TMEM74B: variants seen among roughly 807,000 people sequenced by gnomAD.
TMEM74B encodes transmembrane protein C20orf46.
Under a neutral mutation model 6.5 loss-of-function variants are expected in TMEM74B, and 7 were observed. That is an observed-to-expected ratio of 1.07 (90% CI 0.61 to 2.01). The LOEUF is 2.01. Ranked by LOEUF, TMEM74B falls within the 30% of genes most tolerant of loss-of-function variation. The pLI is 0.00. For synonymous variants in TMEM74B, 151 were observed against 151.6 expected (o/e 1.00, Z 0.03); for missense variants, 342 against 337.0 (o/e 1.01, Z -0.12).
chr20:1,180,748 G>T lies in TMEM74B; in HGVS notation c.*100C>A. ...TTCCACAAGGCCCTATGTGAGCTCA[G>T]TTTAAAACCCCAGGGCCTTGGCAGG... On this transcript the variant is annotated 3_prime_UTR_variant, in exon 3 of 3. Coordinates refer to ENST00000429036, the MANE Select transcript of TMEM74B (RefSeq NM_001304748.2). This position sits in a 1 kb window ranked among gnomAD's most constrained non-coding sequence, Gnocchi z 6.1. 6.7e-7 allele frequency: 1 copy of T among 1,486,832 alleles called. No individual in the cohort carries two copies. Among genetic ancestry groups the T allele is most frequent in the African/African-American group, 1.4e-5 (1 of 71,278 alleles). 92.1% of individuals were successfully genotyped at this position (1,486,832 alleles called of 1,614,324 possible). A position where few individuals can be genotyped will look rare whatever the true frequency, so the allele number is the denominator to read the frequency against.
At chr20:1,188,087 G>A (rs1470007733), upstream of TMEM74B, among the ~76,000 whole-genome samples, 3 of 151,742 alleles carry the variant, frequency 2.0e-5, no homozygotes, top group African/African-American at 7.3e-5. Context: ...GGAGATACCA[G>A]AATGAACTCA....
At position 1,184,606 on chromosome 20, in the gene TMEM74B, AC is replaced by A. The variant is rs1472415378; in HGVS notation, c.-453del. ...CTTCGGGCCACGCGAGTACCCCGTC[AC>A]ACGCACACGCGCGTACACACACACA... On this transcript the variant is annotated 5_prime_UTR_variant, in exon 1 of 3. Coordinates refer to ENST00000429036, the MANE Select transcript of TMEM74B (RefSeq NM_001304748.2). This position sits in a 1 kb window ranked among gnomAD's most constrained non-coding sequence, Gnocchi z 6.0. 7.0e-6 allele frequency: 1 copy of A among 143,546 alleles called. No individual in the cohort carries two copies. The highest frequency in any genetic ancestry group is 1.5e-5 in the Non-Finnish European group (1 of 67,310). The allele number at this position is 143,546 out of a possible 1,614,324, so 8.9% of individuals were successfully genotyped here.
chr20:1,181,703 G>T lies in TMEM74B; in HGVS notation c.32-116C>A. ...TCAGGCACAATTCCCACTTGGGGGT[G>T]TCTGCCAGACAGAGGGGAAGACAGG... On this transcript the variant is annotated intron_variant, in intron 2 of 2. Coordinates refer to ENST00000429036, the MANE Select transcript of TMEM74B (RefSeq NM_001304748.2). This position sits in a 1 kb window ranked among gnomAD's most constrained non-coding sequence, Gnocchi z 4.9. The T allele has an allele frequency of 8.3e-7, 1 of 1,202,922 alleles. No individual in the cohort carries two copies. The highest frequency in any genetic ancestry group is 1.1e-6 in the Non-Finnish European group (1 of 923,012). 74.5% of individuals were successfully genotyped at this position (1,202,922 alleles called of 1,614,324 possible). A position where few individuals can be genotyped will look rare whatever the true frequency, so the allele number is the denominator to read the frequency against.
chr20:1,182,484 G>A (rs982349287), intron 2 of TMEM74B, among the ~76,000 whole-genome samples: 2 of 150,144 alleles, frequency 1.3e-5, no homozygotes, highest in African/African-American at 4.9e-5. Context: ...ATGGGAGGGG[G>A]CAAAGTGGAG....
At chr20:1,188,550 A>G (rs1000466601), upstream of TMEM74B, among the ~76,000 whole-genome samples, 2 of 149,770 alleles carry the variant, frequency 1.3e-5, no homozygotes, top group African/African-American at 2.5e-5. Flanking sequence ...CACCACACAC[A>G]TACCACATGC....
In TMEM74B at chr20:1,181,328, G is replaced by T. The variant is rs2086860905; in HGVS notation, c.291C>A (p.Ser97=). ...PPGGVSSLPR[S]QRDDLSLHSE... is the part of the protein sequence containing the mutation. ...AATGAAGGGACAGATCATCCCGCTG[G>T]GATCGGGGCAGTGAGGAGACACCCC... The change falls in exon 3 of 3, where the codon TCC becomes TCA. Residue 97 remains serine, a synonymous_variant. Transcript: ENST00000429036. This position sits in a 1 kb window ranked among gnomAD's most constrained non-coding sequence, Gnocchi z 4.9. 6.3e-7 allele frequency: 1 copy of T among 1,596,760 alleles called. No individual in the cohort carries two copies. Among genetic ancestry groups the T allele is most frequent in the Non-Finnish European group, 8.5e-7 (1 of 1,170,174 alleles).
intron 2 of TMEM74B, among the ~76,000 whole-genome samples, chr20:1,182,501 G>A (rs1327805008): frequency 6.6e-6 from 1 of 151,652 alleles, no homozygotes; most frequent in Non-Finnish European, 1.5e-5. Flanking sequence ...GGAGGATGGG[G>A]GTCCAGCAAG....
intron 2 of TMEM74B, among the ~76,000 whole-genome samples, chr20:1,182,996 G>A (rs145393284): frequency 8.3e-4 from 127 of 152,232 alleles, no homozygotes; most frequent in Admixed American, 1.4e-3. Flanking sequence ...GTTGGCAATC[G>A]GGGCTCTTAG....
chr20:1,183,543 C>G (rs1044519670), intron 2 of TMEM74B, among the ~76,000 whole-genome samples: 2 of 152,124 alleles, frequency 1.3e-5, no homozygotes, highest in Non-Finnish European at 2.9e-5. Flanking sequence ...CACTACGTCT[C>G]TCTTTCCAGA....
In TMEM74B at chr20:1,183,880, G is replaced by T. The variant is rs182843440; in HGVS notation, c.-79C>A. 9.3e-5 allele frequency: 145 copies of T among 1,553,636 alleles called. No homozygotes were observed. The African/African-American group carries it at 1.8e-3, about 19-fold the overall frequency. ...TATCCAGCTGTTTATCAGCAACCGT[G>T]AGCACCTTGAGAGCAGGCATAAGTT... On this transcript the variant is annotated 5_prime_UTR_variant, in exon 2 of 3. Coordinates refer to ENST00000429036, the MANE Select transcript of TMEM74B (RefSeq NM_001304748.2).
Position 1,181,409 on chromosome 20 carries a change from C to T in TMEM74B, c.210G>A (p.Glu70=), listed in dbSNP as rs1568494152. The change falls in exon 3 of 3, where the codon GAG becomes GAA. Residue 70 remains glutamate, a synonymous_variant. Coordinates refer to ENST00000429036, the MANE Select transcript of TMEM74B (RefSeq NM_001304748.2). The surrounding 1 kb of genome is among the most constrained non-coding windows in gnomAD (Gnocchi z 4.9). Reference sequence around the variant, plus strand: ...TGTTCCCAGGGTTCTGGAAATGGGTCTCATGCTCCTCTGAGGAGAAGCAGG... The same window carrying T: ...TGTTCCCAGGGTTCTGGAAATGGGTTTCATGCTCCTCTGAGGAGAAGCAGG... ...ENACFSSEEH[E]THFQNPGNTR... 6.5e-7 allele frequency: 1 copy of T among 1,526,726 alleles called. No homozygotes were observed. The highest frequency in any genetic ancestry group is 1.3e-5 in the South Asian group (1 of 76,718). 94.6% of individuals were successfully genotyped at this position (1,526,726 alleles called of 1,614,324 possible).
chr20:1,187,311 G>A (rs562740418), upstream of TMEM74B, among the ~76,000 whole-genome samples: 2 of 152,292 alleles, frequency 1.3e-5, no homozygotes, highest in East Asian at 3.9e-4. Flanking sequence ...GCCAAAAGAA[G>A]AGGGTTTTTG....
At position 1,182,890 on chromosome 20, in the gene TMEM74B, G is replaced by A. The variant is rs189254198; in HGVS notation, c.31+881C>T. On this transcript the variant is annotated intron_variant, in intron 2 of 2. Coordinates refer to ENST00000429036, the MANE Select transcript of TMEM74B (RefSeq NM_001304748.2). ...AATGTATAAAAAGCAAAAGATTTTA[G>A]ATTTTACATTTTAAATGTTGGATTC... Among the ~76,000 whole-genome samples the A allele has an allele frequency of 2.0e-5, 3 of 152,194 alleles. No homozygotes were observed. In the East Asian group the frequency reaches 5.8e-4, roughly 29 times the overall value.
chr20:1,182,354 C>T (rs2086894143), intron 2 of TMEM74B, among the ~76,000 whole-genome samples: 1 of 152,110 alleles, frequency 6.6e-6, no homozygotes, highest in Admixed American at 6.5e-5. Flanking sequence ...GCCTCAGAGG[C>T]CAGCTGGGGC....
At chr20:1,186,345 G>A (rs1193210089), upstream of TMEM74B, 1 of 152,264 alleles carries the variant, frequency 6.6e-6, no homozygotes, top group Non-Finnish European at 1.5e-5. Context: ...TACAGGGCCG[G>A]AGTTAAGATG....
At chr20:1,182,439 G>A (rs2086896297) in intron 2 of TMEM74B, among the ~76,000 whole-genome samples, 1 of 152,158 alleles carries the variant, frequency 6.6e-6, no homozygotes, top group South Asian at 2.1e-4. Flanking sequence ...GGAGCAGGAA[G>A]TGCCTCGGCT....
At position 1,181,162 on chromosome 20, in the gene TMEM74B, T is replaced by C. The variant is rs1310402042; in HGVS notation, c.457A>G (p.Thr153Ala). 6.2e-7 allele frequency: 1 copy of C among 1,614,150 alleles called. No individual in the cohort carries two copies. The highest frequency in any genetic ancestry group is 1.1e-5 in the South Asian group (1 of 91,074). Residue 153 changes from threonine to alanine, a missense_variant, in exon 3 of 3, where the codon ACA becomes GCA. By Grantham distance (58) the Thr-to-Ala change is moderately conservative. Coordinates refer to ENST00000429036, the MANE Select transcript of TMEM74B (RefSeq NM_001304748.2). The surrounding 1 kb of genome is among the most constrained non-coding windows in gnomAD (Gnocchi z 4.9). Reference protein sequence around the residue: ...IPREARVNPDTVTAREMERLE... With the variant: ...IPREARVNPDAVTAREMERLE... ...CGTTCCATCTCCCGCGCTGTCACTG[T>C]GTCCGGATTGACTCGAGCCTCACGG...
chr20:1,182,164 G>C (rs2086888277), intron 2 of TMEM74B, among the ~76,000 whole-genome samples: 1 of 137,454 alleles, frequency 7.3e-6, no homozygotes, highest in Middle Eastern at 3.3e-3. Flanking sequence ...GGACCTTGTT[G>C]TATGAGGGAA....
intron 2 of TMEM74B, among the ~76,000 whole-genome samples, chr20:1,183,290 C>CTCTGTGTGTGTGTGTG (rs1555769547): frequency 1.2e-3 from 182 of 149,312 alleles, no homozygotes; most frequent in South Asian, 2.1e-3. Context: ...GGTTCGTTCT[C>CTCTGTGTGTGTGTGTG]TGTGTGTGTG....
Sources: allele counts gnomAD v4.1 joint callset (sites outside exome capture counted in the v4.1 genomes callset), GRCh38; gene constraint gnomAD v4.1.1; non-coding constraint Gnocchi (gnomAD v3.1); transcripts MANE v1.5; gene names NCBI Gene and HGNC (gene_info 2026-07-23, HGNC 2026-07-21).